Variants in NDFIP2 observed in about 807,000 individuals in gnomAD.
The protein encoded by NDFIP2 is NEDD4 family-interacting protein 2.
Under a neutral mutation model 36.0 loss-of-function variants are expected in NDFIP2, and 19 were observed. The observed-to-expected ratio is 0.53, with a 90% CI of 0.37 to 0.77. The LOEUF (loss-of-function observed/expected upper bound fraction) is 0.77, where lower values mean the gene tolerates loss of function less well. Ranked by LOEUF, NDFIP2 falls within the 30% of genes least tolerant of loss-of-function variation. The pLI is 0.00. For missense variants in NDFIP2, 446 were observed against 435.8 expected (o/e 1.02, Z -0.21); for synonymous variants, 181 against 167.7 (o/e 1.08, Z -0.61).
In NDFIP2 at chr13:79,553,236, G is replaced by C. The variant is rs12585004; in HGVS notation, c.*723G>C. The C allele has an allele frequency of 1.3e-5, 2 of 151,098 alleles. No individual in the cohort carries two copies. The highest frequency in any genetic ancestry group is 1.3e-4 in the Admixed American group (2 of 15,156). 9.4% of individuals were successfully genotyped at this position (151,098 alleles called of 1,614,324 possible). Reference sequence around the variant, plus strand: ...CACACACATATATATATTTAGAAACGTGAGTGTTAAAGATAGAATTTGTTT... The same window carrying C: ...CACACACATATATATATTTAGAAACCTGAGTGTTAAAGATAGAATTTGTTT... On this transcript the variant is annotated 3_prime_UTR_variant, in exon 8 of 8. Coordinates refer to ENST00000218652, the MANE Select transcript of NDFIP2 (RefSeq NM_019080.3).
chr13:79,520,940 A>T lies in NDFIP2; in HGVS notation c.452A>T (p.Tyr151Phe). Residue 151 changes from tyrosine (Y) to phenylalanine (F), a missense_variant, in exon 2 of 8, where the codon TAT (tyrosine) becomes TTT (phenylalanine). Physicochemically the swap from Tyr to Phe is conservative, Grantham distance 22. Coordinates refer to ENST00000218652, the MANE Select transcript of NDFIP2 (RefSeq NM_019080.3). ...ALETDSSPPP[Y>F]SSITVEVPTT... ...GAAACTGACTCTTCCCCTCCACCAT[A>T]TAGTAGTATTACTGTGGAAGTACCT... The T allele has an allele frequency of 6.2e-7, 1 of 1,613,244 alleles. No individual in the cohort carries two copies. Among genetic ancestry groups the T allele is most frequent in the Non-Finnish European group, 8.5e-7 (1 of 1,179,558 alleles).
At chr13:79,498,000 A>G (rs574999135) in intron 1 of NDFIP2, among the ~76,000 whole-genome samples, 1 of 151,712 alleles carries the variant, frequency 6.6e-6, no homozygotes, top group Admixed American at 6.6e-5. Flanking sequence ...ACTGAAGAGA[A>G]GTGGGTGGAT....
intron 1 of NDFIP2, among the ~76,000 whole-genome samples, chr13:79,501,842 A>G (rs143915339): frequency 3.9e-4 from 59 of 152,210 alleles, no homozygotes; most frequent in Non-Finnish European, 7.4e-4. Flanking sequence ...GAAACTTTCC[A>G]TGAAGGAAGT....
At chr13:79,542,256 G>A (rs1482778723) in intron 4 of NDFIP2, among the ~76,000 whole-genome samples, 1 of 152,178 alleles carries the variant, frequency 6.6e-6, no homozygotes, top group Non-Finnish European at 1.5e-5. Context: ...ACATCAGCAT[G>A]CCATGATAAT....
chr13:79,520,483 G>A (rs183686092), intron 1 of NDFIP2, among the ~76,000 whole-genome samples: 4 of 152,190 alleles, frequency 2.6e-5, no homozygotes, highest in Non-Finnish European at 2.9e-5. Flanking sequence ...CTTATCCAAG[G>A]GATGTGGTAG....
chr13:79,504,435 A>C lies in NDFIP2; in HGVS notation c.322-16375A>C, dbSNP rs556819015. ...CTAAATGTTTCAGTGTGTATTTCCCAAAAACAAAGATGTTGTCTTATATAG... is the reference window on the plus strand; with the variant it reads ...CTAAATGTTTCAGTGTGTATTTCCCCAAAACAAAGATGTTGTCTTATATAG... On this transcript the variant is annotated intron_variant, in intron 1 of 7. Coordinates refer to ENST00000218652, the MANE Select transcript of NDFIP2 (RefSeq NM_019080.3). Among the ~76,000 whole-genome samples the C allele has an allele frequency of 1.6e-4, 24 of 152,312 alleles. 1 individual carries two copies. In the South Asian group the frequency reaches 5.0e-3, roughly 32 times the overall value.
Position 79,524,188 on chromosome 13 carries a change from G to A in NDFIP2, c.487+3213G>A, listed in dbSNP as rs74772608. Among the ~76,000 whole-genome samples the A allele has an allele frequency of 1.2e-3, 189 of 152,104 alleles. 5 individuals are homozygous for A. In the East Asian group the frequency reaches 0.033, roughly 27 times the overall value. ...CATATCCTCATTATTAACACTTCTT[G>A]ATGGCCATCAGTATGCCCTTCTACT... On this transcript the variant is annotated intron_variant, in intron 2 of 7. Coordinates refer to ENST00000218652, the MANE Select transcript of NDFIP2 (RefSeq NM_019080.3).
intron 3 of NDFIP2, among the ~76,000 whole-genome samples, chr13:79,534,762 A>G (rs1157182015): frequency 1.3e-5 from 2 of 152,138 alleles, no homozygotes; most frequent in African/African-American, 4.8e-5. Flanking sequence ...GCTTCCATGT[A>G]TGGCATTCTC....
intron 1 of NDFIP2, among the ~76,000 whole-genome samples, chr13:79,496,502 G>A (rs1373828711): frequency 6.6e-6 from 1 of 151,882 alleles, no homozygotes; most frequent in Non-Finnish European, 1.5e-5. Context: ...TTGAAGTTGT[G>A]TAATGATAAG....
intron 5 of NDFIP2, among the ~76,000 whole-genome samples, chr13:79,545,815 C>T (rs1380892722): frequency 4.6e-5 from 7 of 152,152 alleles, no homozygotes; most frequent in Admixed American, 4.6e-4. Flanking sequence ...TGGCTCACTG[C>T]AACCTCCGCC....
At chr13:79,532,750 A>G (rs1566664686) in intron 2 of NDFIP2, among the ~76,000 whole-genome samples, 1 of 152,168 alleles carries the variant, frequency 6.6e-6, no homozygotes, top group Non-Finnish European at 1.5e-5. Context: ...ATGTGTAAAA[A>G]AATTACCCCT....
chr13:79,533,054 A>AATT (rs1875079136), intron 2 of NDFIP2, among the ~76,000 whole-genome samples: 1 of 152,068 alleles, frequency 6.6e-6, no homozygotes, highest in African/African-American at 2.4e-5. Flanking sequence ...CTTGTCTGGC[A>AATT]CTCTTTTTCA....
intron 1 of NDFIP2, among the ~76,000 whole-genome samples, chr13:79,488,694 T>C (rs1873113429): frequency 6.6e-6 from 1 of 152,228 alleles, no homozygotes; most frequent in Non-Finnish European, 1.5e-5. Flanking sequence ...ATAGTACTTC[T>C]GTCTGCTTCT....
intron 2 of NDFIP2, among the ~76,000 whole-genome samples, chr13:79,528,138 T>G (rs1231669271): frequency 1.3e-5 from 2 of 152,054 alleles, no homozygotes; most frequent in African/African-American, 4.8e-5. Flanking sequence ...TGCACACCCG[T>G]AGTCCCAGCT....
At chr13:79,489,783 T>C (rs994810270) in intron 1 of NDFIP2, among the ~76,000 whole-genome samples, 8 of 152,204 alleles carry the variant, frequency 5.3e-5, no homozygotes, top group African/African-American at 1.9e-4. Context: ...GGGGATGGCC[T>C]AGAGTGGAAT....
intron 1 of NDFIP2, among the ~76,000 whole-genome samples, chr13:79,509,007 G>C (rs1209742580): frequency 6.6e-6 from 1 of 151,832 alleles, no homozygotes; most frequent in Non-Finnish European, 1.5e-5. Context: ...TATGTGTTTT[G>C]TGTAATAAAA....
At chr13:79,503,014 A>G (rs1344075251) in intron 1 of NDFIP2, among the ~76,000 whole-genome samples, 1 of 152,062 alleles carries the variant, frequency 6.6e-6, no homozygotes, top group African/African-American at 2.4e-5. Flanking sequence ...GGGAGGCAAG[A>G]TCTTCTCTGT....
At chr13:79,534,920 TA>T (rs975638708) in intron 3 of NDFIP2, among the ~76,000 whole-genome samples, 26 of 152,188 alleles carry the variant, frequency 1.7e-4, no homozygotes, top group African/African-American at 6.3e-4. Flanking sequence ...AACGTCAACA[TA>T]AATAGCTTTG....
chr13:79,524,215 C>A (rs1222458892), intron 2 of NDFIP2, among the ~76,000 whole-genome samples: 1 of 152,168 alleles, frequency 6.6e-6, no homozygotes, highest in African/African-American at 2.4e-5. Flanking sequence ...CCTTCTACTT[C>A]TTCATCAAGC....
Sources: allele counts gnomAD v4.1 joint callset (sites outside exome capture counted in the v4.1 genomes callset), GRCh38; gene constraint gnomAD v4.1.1; transcripts MANE v1.5; gene names NCBI Gene and HGNC (gene_info 2026-07-23, HGNC 2026-07-21).